The following OAS1 variants were observed in gnomAD, a reference collection of about 807,000 sequenced individuals.
OAS1 encodes 2'-5'-oligoadenylate synthase 1.
Under a neutral mutation model 38.5 loss-of-function variants are expected in OAS1, and 24 were observed. The ratio of observed to expected loss-of-function variants is 0.62; its 90% CI spans 0.45 to 0.88. The LOEUF (loss-of-function observed/expected upper bound fraction) is 0.88. Ranked by LOEUF, OAS1 falls within the 40% of genes least tolerant of loss-of-function variation. The pLI is 0.00. For synonymous variants in OAS1, 169 were observed against 193.9 expected, an observed-to-expected ratio of 0.87 and a Z score of 1.07; for missense variants, 482 against 493.9, an observed-to-expected ratio of 0.98 and a Z score of 0.23.
intron 3 of OAS1, among the ~76,000 whole-genome samples, chr12:112,912,952 T>C (rs574263269): frequency 6.6e-6 from 1 of 152,386 alleles, no homozygotes; most frequent in South Asian, 2.1e-4. Context: ...GTTTAGTTAA[T>C]CTGCTCACAG....
chr12:112,907,274 G>A, intron 1 of OAS1, 55 bp downstream of exon 1: 1 of 1,567,704 alleles, frequency 6.4e-7, no homozygotes, highest in Non-Finnish European at 8.8e-7. Flanking sequence ...CAAGAGTTGA[G>A]ATTGAGAATG....
intron 6 of OAS1, among the ~76,000 whole-genome samples, chr12:112,927,818 A>G (rs979660169): frequency 6.6e-6 from 1 of 152,186 alleles, no homozygotes; most frequent in Non-Finnish European, 1.5e-5. Flanking sequence ...GTCACGTCAC[A>G]GTTCACAGCA....
chr12:112,910,871 TG>T (rs965844880), intron 2 of OAS1, among the ~76,000 whole-genome samples, 179 bp from the exon 3 acceptor site: 2 of 151,868 alleles, frequency 1.3e-5, no homozygotes, highest in Non-Finnish European at 2.9e-5. Flanking sequence ...GTGGCTTGGA[TG>T]GGGTGATGGC....
intron 6 of OAS1, among the ~76,000 whole-genome samples, chr12:112,925,887 G>C (rs6489868): frequency 0.74 from 113,193 of 152,150 alleles, 43,403 homozygotes; most frequent in African/African-American, 0.94. Flanking sequence ...TGGATTTATG[G>C]CAGTACCTCA....
At chr12:112,926,203 T>G (rs999208891) in intron 6 of OAS1, among the ~76,000 whole-genome samples, 1 of 152,156 alleles carries the variant, frequency 6.6e-6, no homozygotes, top group Non-Finnish European at 1.5e-5. Context: ...CCCAGGCTGG[T>G]CTTGAACTCC....
intron 6 of OAS1, among the ~76,000 whole-genome samples, chr12:112,931,299 T>A (rs2043595420): frequency 6.6e-6 from 1 of 152,190 alleles, no homozygotes; most frequent in South Asian, 2.1e-4. Context: ...AGGAGCATGA[T>A]GGAAGGAGGA....
chr12:112,915,198 C>T (rs970396428), intron 3 of OAS1, among the ~76,000 whole-genome samples: 2 of 152,112 alleles, frequency 1.3e-5, no homozygotes, highest in Non-Finnish European at 2.9e-5. Context: ...TTGCCTAAGC[C>T]AATGTGTAGG....
intron 6 of OAS1, chr12:112,931,828 G>A: frequency 1.5e-6 from 1 of 679,864 alleles, no homozygotes. Context: ...TCTCTGGGCA[G>A]ACAGGCTCCT....
chr12:112,928,171 C>T (rs903840477), intron 6 of OAS1, among the ~76,000 whole-genome samples: 13 of 152,238 alleles, frequency 8.5e-5, no homozygotes, highest in African/African-American at 3.1e-4. Flanking sequence ...ACAAACACAT[C>T]CTTCATTCAG....
At chr12:112,922,446 G>T (rs535770788), downstream of OAS1, among the ~76,000 whole-genome samples, 1 of 152,190 alleles carries the variant, frequency 6.6e-6, no homozygotes, top group African/African-American at 2.4e-5. Flanking sequence ...TGTTAACCAG[G>T]TCCCTAACCC....
chr12:112,924,432 C>G (rs1466236930), downstream of OAS1, among the ~76,000 whole-genome samples: 1 of 149,128 alleles, frequency 6.7e-6, no homozygotes, highest in Non-Finnish European at 1.5e-5. Flanking sequence ...ATTAGAATTA[C>G]ACATATTAGC....
chr12:112,919,220 T>C (rs2043506393), intron 5 of OAS1, 169 bp from the exon 6 acceptor site: 5 of 641,770 alleles, frequency 7.8e-6, no homozygotes, highest in South Asian at 7.8e-5. Context: ...CTAAAAGGGC[T>C]GACGGCTGAA....
In OAS1 at chr12:112,908,768, C is replaced by T. The variant is rs751294150; in HGVS notation, c.413C>T (p.Ser138Leu). ...CGTGCGCTCAGCTTCGTACTGAGTT[C>T]GCTCCAGCTCGGGGAGGGGGTGGAG... is the stretch of plus-strand genomic sequence containing the variant. ...NPRALSFVLS[S>L]LQLGEGVEFD... The change falls in exon 2 of 6, where the codon TCG becomes TTG. Residue 138 changes from serine (S) to leucine (L), a missense_variant. Coordinates refer to ENST00000202917, the MANE Select transcript of OAS1 (RefSeq NM_016816.4). The T allele has an allele frequency of 9.9e-6, 16 of 1,610,952 alleles. No individual in the cohort carries two copies. The highest frequency in any genetic ancestry group is 2.2e-5 in the East Asian group (1 of 44,758).
At position 112,927,177 on chromosome 12, in the gene OAS1, T is replaced by C. The variant is rs1005633311; in HGVS notation, c.1168-4701T>C. Among the ~76,000 whole-genome samples the C allele has an allele frequency of 4.6e-5, 7 of 152,292 alleles. No individual in the cohort carries two copies. In the South Asian group the frequency reaches 6.2e-4, roughly 14 times the overall value. On this transcript the variant is annotated intron_variant, in intron 6 of 6. Coordinates refer to the OAS1 transcript ENST00000540589. Reference sequence around the variant, plus strand: ...ATCATCACAGGGTCCTGAGGCAACATACATCCTCAGCTTATGAAGATGACA... The same window carrying C: ...ATCATCACAGGGTCCTGAGGCAACACACATCCTCAGCTTATGAAGATGACA...
exon 7 of OAS1, chr12:112,932,034 C>T (rs985503585): frequency 2.1e-5 from 14 of 653,988 alleles, no homozygotes; most frequent in East Asian, 1.4e-4. Flanking sequence ...AATAAACAGA[C>T]GTCTCATAAA....
chr12:112,918,019 C>G (rs2043487992), intron 5 of OAS1: 2 of 1,020,984 alleles, frequency 2.0e-6, no homozygotes, highest in Non-Finnish European at 2.6e-6. Flanking sequence ...ATTAAATAGT[C>G]ACAACAATCC....
At chr12:112,932,526 G>A (rs1342537447), downstream of OAS1, 1 of 152,348 alleles carries the variant, frequency 6.6e-6, no homozygotes, top group Non-Finnish European at 1.5e-5. Flanking sequence ...CTGGGGGCTG[G>A]TGGTTGCAGT....
In OAS1 at chr12:112,916,600, T is replaced by C. The variant is rs769235536; in HGVS notation, c.746T>C (p.Phe249Ser). ...GAGCGAGGGAGCATGAAAACACATT[T>C]CAACACAGCCCAGGGATTTCGGACG... is the stretch of plus-strand genomic sequence containing the variant. Reference protein sequence around the residue: ...AWERGSMKTHFNTAQGFRTVL... With the variant: ...AWERGSMKTHSNTAQGFRTVL... Residue 249 changes from phenylalanine (F) to serine (S), a missense_variant, in exon 4 of 6, where the codon TTC (phenylalanine) becomes TCC (serine). Physicochemically the swap from Phe to Ser is radical, Grantham distance 155. Transcript: ENST00000202917. 5 of 1,614,124 alleles carry C rather than the reference T, an allele frequency of 3.1e-6. No homozygotes were observed. Among genetic ancestry groups the C allele is most frequent in the Non-Finnish European group, 4.2e-6 (5 of 1,180,010 alleles).
chr12:112,919,405 C>T lies in OAS1; in HGVS notation c.1055C>T (p.Ala352Val). The T allele has an allele frequency of 6.2e-7, 1 of 1,613,382 alleles. No individual in the cohort carries two copies. Among genetic ancestry groups the T allele is most frequent in the South Asian group, 1.1e-5 (1 of 91,006 alleles). The change falls in exon 6 of 6, where the codon GCA (alanine) becomes GTA (valine). Residue 352 changes from alanine (A) to valine (V), a missense_variant. Ala to Val is a moderately conservative substitution (Grantham distance 64). Coordinates refer to ENST00000202917, the MANE Select transcript of OAS1 (RefSeq NM_016816.4). ...CCCTTTCAGGCTGAAAGCAACAGTG[C>T]AGACGATGAGACCGACGATCCCAGG... ...SWILLAESNS[A>V]DDETDDPRRY...
Sources: gnomAD v4.1 joint callset for allele counts (sites outside exome capture counted in the v4.1 genomes callset) on GRCh38, gnomAD v4.1.1 for gene constraint, MANE v1.5 for transcripts, NCBI Gene and HGNC (gene_info 2026-07-23, HGNC 2026-07-21) for gene names.